NLN: variants seen among roughly 807,000 people sequenced by gnomAD.
NLN encodes neurolysin.
NLN carries 64 observed loss-of-function variants against 79.9 expected under a neutral mutation model. The observed-to-expected ratio is 0.80, with a 90% confidence interval of 0.65 to 0.99. NLN has a LOEUF of 0.99. Among genes scored for constraint, NLN ranks in the 50% least tolerant of loss-of-function variants. NLN has a pLI of 0.00. For missense variants in NLN, 835 were observed against 858.7 expected (o/e 0.97, Z 0.34); for synonymous variants, 267 against 296.6 (o/e 0.90, Z 1.02).
intron 1 of NLN, among the ~76,000 whole-genome samples, chr5:65,754,032 A>G (rs557109192): frequency 3.3e-5 from 5 of 152,302 alleles, no homozygotes; most frequent in African/African-American, 9.6e-5. Context: ...TCTGACCTCC[A>G]TACTGTTGGT....
intron 1 of NLN, among the ~76,000 whole-genome samples, chr5:65,729,786 A>C (rs2150732537): frequency 6.6e-6 from 1 of 152,388 alleles, no homozygotes; most frequent in East Asian, 1.9e-4. Flanking sequence ...GACAAAGCAC[A>C]GGACTTACTT....
chr5:65,759,686 T>C (rs1325515003), intron 2 of NLN, among the ~76,000 whole-genome samples: 2 of 152,116 alleles, frequency 1.3e-5, no homozygotes, highest in African/African-American at 2.4e-5. Context: ...GGCCCTAAAC[T>C]GTTTGGATTT....
Position 65,746,040 on chromosome 5 carries a change from GTCATATGGGTCTAGAAC to G in NLN, c.42-12523_42-12507del, listed in dbSNP as rs576272692. Among the ~76,000 whole-genome samples, 38 of 152,306 alleles carry G rather than the reference GTCATATGGGTCTAGAAC, an allele frequency of 2.5e-4. 1 individual carries two copies. In the South Asian group the frequency reaches 7.9e-3, roughly 32 times the overall value. ...AGTGGAGCTACCCAACAGGCAGTTG[GTCATATGGGTCTAGAAC>G]TCAGGAGATTTGTGCTGGAGGTACA... On this transcript the variant is annotated intron_variant, in intron 1 of 12. Transcript: ENST00000380985.
chr5:65,729,078 G>A (rs1034677459), intron 1 of NLN, among the ~76,000 whole-genome samples: 15 of 152,088 alleles, frequency 9.9e-5, no homozygotes, highest in Non-Finnish European at 1.5e-4. Context: ...TCCTGGGCTC[G>A]AGTGATCTGC....
At chr5:65,755,572 GA>G (rs1759199529) in intron 1 of NLN, among the ~76,000 whole-genome samples, 1 of 152,038 alleles carries the variant, frequency 6.6e-6, no homozygotes, top group South Asian at 2.1e-4. Context: ...ACCTATCCCA[GA>G]AATAAGTTTT....
chr5:65,821,042 C>CAAA (rs1326744179), intron 12 of NLN, among the ~76,000 whole-genome samples: 1 of 57,516 alleles, frequency 1.7e-5, no homozygotes, highest in South Asian at 5.5e-4. Flanking sequence ...GACTCTGTCT[C>CAAA]AAAAAAAAAA....
chr5:65,724,274 A>G (rs1167506405), intron 1 of NLN, among the ~76,000 whole-genome samples: 1 of 151,850 alleles, frequency 6.6e-6, no homozygotes, highest in Non-Finnish European at 1.5e-5. Context: ...TCCTCCCCCA[A>G]TCCCTGGTTA....
intron 1 of NLN, among the ~76,000 whole-genome samples, chr5:65,754,404 C>T (rs1759173542): frequency 6.6e-6 from 1 of 152,148 alleles, no homozygotes; most frequent in Non-Finnish European, 1.5e-5. Context: ...GTAGGGACAG[C>T]TACCTTCAAA....
chr5:65,744,760 A>C (rs1758939576), intron 1 of NLN, among the ~76,000 whole-genome samples: 1 of 152,172 alleles, frequency 6.6e-6, no homozygotes. Flanking sequence ...TTTGTATTCC[A>C]GCTACTCAAG....
intron 9 of NLN, among the ~76,000 whole-genome samples, chr5:65,795,252 G>T (rs1464716711): frequency 2.0e-5 from 3 of 152,148 alleles, no homozygotes; most frequent in East Asian, 1.9e-4. Context: ...GCTAGGCATG[G>T]CAGCTCACAC....
rs945340789 is a variant in NLN at position 65,763,122 on chromosome 5, T to C, written c.450+14T>C. 3.1e-6 allele frequency: 5 copies of C among 1,607,864 alleles called. No individual in the cohort carries two copies. Among genetic ancestry groups the C allele is most frequent in the Admixed American group, 3.3e-5 (2 of 59,740 alleles). On this transcript the variant is annotated intron_variant, in intron 3 of 12. Transcript: ENST00000380985. ...GTTCATTTACAGGTAAGTGGTGTTA[T>C]AAATCCCTTTAAAGAGGGAAAAACT...
intron 3 of NLN, among the ~76,000 whole-genome samples, chr5:65,777,078 G>A (rs1242393850): frequency 6.6e-6 from 1 of 152,192 alleles, no homozygotes; most frequent in Non-Finnish European, 1.5e-5. Context: ...GATGATTTGT[G>A]GTAAGAAATA....
At chr5:65,730,557 GTTTTA>G (rs1329020700) in intron 1 of NLN, among the ~76,000 whole-genome samples, 10 of 134,302 alleles carry the variant, frequency 7.4e-5, no homozygotes, top group African/African-American at 1.7e-4. Flanking sequence ...TTTTTTTTTT[GTTTTA>G]TTCGTTTGTT....
intron 9 of NLN, among the ~76,000 whole-genome samples, chr5:65,799,637 G>A (rs538373218): frequency 8.5e-5 from 13 of 152,280 alleles, no homozygotes; most frequent in Admixed American, 7.8e-4. Flanking sequence ...GTTTAAATAA[G>A]ATGTACCTGA....
Position 65,756,121 on chromosome 5 carries a change from G to A in NLN, c.42-2446G>A, listed in dbSNP as rs950970059. Among the ~76,000 whole-genome samples, 43 of 152,082 alleles carry A rather than the reference G, an allele frequency of 2.8e-4. 1 individual carries two copies. The highest frequency in any genetic ancestry group is 1.0e-3 in the African/African-American group (42 of 41,402). ...TGTTTTCACTGCTTGCTTGTCACAA[G>A]GTCCTAGAACCCATATTGGCCTAAT... is the stretch of plus-strand genomic sequence containing the variant. On this transcript the variant is annotated intron_variant, in intron 1 of 12. Transcript: ENST00000380985.
chr5:65,752,262 CAT>C (rs1759118584), intron 1 of NLN, among the ~76,000 whole-genome samples: 1 of 151,608 alleles, frequency 6.6e-6, no homozygotes, highest in Non-Finnish European at 1.5e-5. Flanking sequence ...TCACAAAGGT[CAT>C]GTTTTGAAAA....
At chr5:65,748,149 C>T (rs1196392886) in intron 1 of NLN, among the ~76,000 whole-genome samples, 2 of 152,076 alleles carry the variant, frequency 1.3e-5, no homozygotes, top group Non-Finnish European at 2.9e-5. Flanking sequence ...TTCAGTGAGC[C>T]AAGATCGTGC....
chr5:65,730,513 T>C (rs1469202632), intron 1 of NLN, among the ~76,000 whole-genome samples: 1 of 152,054 alleles, frequency 6.6e-6, no homozygotes, highest in Non-Finnish European at 1.5e-5. Context: ...CAGGGAAAAA[T>C]TGGACTCATC....
At chr5:65,785,726 G>A in intron 6 of NLN, 49 bp from the exon 7 acceptor site, 1 of 1,499,154 alleles carries the variant, frequency 6.7e-7, no homozygotes, top group Non-Finnish European at 9.3e-7. Context: ...TAGTGCTTTG[G>A]ATCAAATTAT....
Sources: gnomAD v4.1 joint callset for allele counts (sites outside exome capture counted in the v4.1 genomes callset) on GRCh38, gnomAD v4.1.1 for gene constraint, MANE v1.5 for transcripts, NCBI Gene and HGNC (gene_info 2026-07-23, HGNC 2026-07-21) for gene names.